The following ENO1 variants were observed in gnomAD, a reference collection of about 807,000 sequenced individuals.
ENO1 encodes the protein enolase 1.
Under a neutral mutation model 46.3 loss-of-function variants are expected in ENO1, and 33 were observed. The observed-to-expected ratio is 0.71, with a 90% confidence interval of 0.54 to 0.95. The LOEUF is 0.95. Ranked by LOEUF, ENO1 falls within the 40% of genes least tolerant of loss-of-function variation. The pLI is 0.00. For synonymous variants in ENO1, 220 were observed against 216.0 expected (o/e 1.02, Z -0.16); for missense variants, 488 against 553.3 (o/e 0.88, Z 1.18).
At chr1:8,873,236 G>C (rs965156998) in intron 2 of ENO1, among the ~76,000 whole-genome samples, 1 of 152,154 alleles carries the variant, frequency 6.6e-6, no homozygotes, top group Non-Finnish European at 1.5e-5. Flanking sequence ...ACAATGGGGG[G>C]GCTGCGCATG....
intron 1 of ENO1, among the ~76,000 whole-genome samples, chr1:8,876,766 C>G (rs1046380163): frequency 2.0e-5 from 3 of 151,492 alleles, no homozygotes; most frequent in African/African-American, 7.3e-5. Context: ...CCACTACACT[C>G]CAGCCTGGGC....
rs1010173970 is a variant in ENO1 at position 8,871,306 on chromosome 1, A to T, written c.181+585T>A. 8.0e-6 allele frequency: 8 copies of T among 994,336 alleles called. No homozygotes were observed. The African/African-American group carries it at 1.2e-4, about 15-fold the overall frequency. 61.6% of individuals were successfully genotyped at this position (994,336 alleles called of 1,614,324 possible). ...GATCTAGCCCTATGTGCTTTTCTGT[A>T]ATTTGGCCACATGTTCTATCTCTAG... is the stretch of plus-strand genomic sequence containing the variant. On this transcript the variant is annotated intron_variant, in intron 3 of 11. Coordinates refer to ENST00000234590, the MANE Select transcript of ENO1 (RefSeq NM_001428.5).
chr1:8,874,309 A>G (rs771380569), intron 2 of ENO1, among the ~76,000 whole-genome samples: 2 of 152,140 alleles, frequency 1.3e-5, no homozygotes, highest in Non-Finnish European at 2.9e-5. Context: ...GGGGTGGCTC[A>G]CACCTATAAT....
intron 11 of ENO1, among the ~76,000 whole-genome samples, chr1:8,862,658 T>C (rs1457591971): frequency 6.6e-6 from 1 of 152,222 alleles, no homozygotes; most frequent in Admixed American, 6.5e-5. Flanking sequence ...GGCAGCACTG[T>C]GTGGAACAGG....
chr1:8,870,833 A>G (rs2124090150), intron 3 of ENO1: 1 of 1,359,222 alleles, frequency 7.4e-7, no homozygotes, highest in East Asian at 2.5e-5. Context: ...ACCTGAGTGC[A>G]CAGGGCTGGT....
intron 7 of ENO1, chr1:8,866,076 C>CAAAAA (rs70985533): frequency 3.6e-5 from 13 of 365,552 alleles, no homozygotes; most frequent in African/African-American, 2.8e-4. Context: ...GACTCCATCT[C>CAAAAA]AAAAAAAAAA....
chr1:8,867,135 T>A lies in ENO1; in HGVS notation c.426A>T (p.Glu142Asp). The A allele has an allele frequency of 6.2e-7, 1 of 1,614,070 alleles. No homozygotes were observed. The highest frequency in any genetic ancestry group is 8.5e-7 in the Non-Finnish European group (1 of 1,179,966). The change falls in exon 6 of 12, where the codon GAA (glutamate) becomes GAT (aspartate). Residue 142 changes from glutamate (E) to aspartate (D), a missense_variant. Coordinates refer to ENST00000234590, the MANE Select transcript of ENO1 (RefSeq NM_001428.5). Reference sequence around the variant, plus strand: ...CACTCACCGGGACTGGCAGGATGACTTCAGAGTTGCCAGCCAAGTCAGCGA... The same window carrying A: ...CACTCACCGGGACTGGCAGGATGACATCAGAGTTGCCAGCCAAGTCAGCGA... ...RHIADLAGNS[E>D]VILPVPAFNV... is the part of the protein sequence containing the mutation.
chr1:8,862,980 A>T (rs941481622), intron 10 of ENO1, 35 bp from the exon 11 acceptor site: 3 of 1,611,516 alleles, frequency 1.9e-6, no homozygotes, highest in South Asian at 2.2e-5. Context: ...CTTACAGCGG[A>T]CAAGCTTTGC....
At chr1:8,875,982 T>C (rs1013803328) in intron 1 of ENO1, 1 of 152,060 alleles carries the variant, frequency 6.6e-6, no homozygotes, top group African/African-American at 2.4e-5. Context: ...AGAGGAAAGA[T>C]TCTTTGAACA....
At position 8,865,359 on chromosome 1, in the gene ENO1, G is replaced by T; in HGVS notation, c.791C>A (p.Pro264His). 6.2e-7 allele frequency: 1 copy of T among 1,614,162 alleles called. No homozygotes were observed. The highest frequency in any genetic ancestry group is 2.2e-5 in the East Asian group (1 of 44,882). The change falls in exon 8 of 12, where the codon CCC becomes CAC. Residue 264 changes from proline (P) to histidine (H), a missense_variant. Physicochemically the swap from Pro to His is moderately conservative, Grantham distance 77 (BLOSUM62 -2). Coordinates refer to ENST00000234590, the MANE Select transcript of ENO1 (RefSeq NM_001428.5). ...CGAGATGTACCTGCTGGGGTCATCGGGAGACTTGAAGTCCAGGTCATACTT... is the reference window on the plus strand; with the variant it reads ...CGAGATGTACCTGCTGGGGTCATCGTGAGACTTGAAGTCCAGGTCATACTT... ...SGKYDLDFKS[P>H]DDPSRYISPD...
Position 8,870,990 on chromosome 1 carries a change from G to A in ENO1, c.182-480C>T, listed in dbSNP as rs1642620933. ...TGAGGGGGCAGGAAAGCAGAGGAGAGCATTTCAGGGGCCATGCGTTCAATC... is the reference window on the plus strand; with the variant it reads ...TGAGGGGGCAGGAAAGCAGAGGAGAACATTTCAGGGGCCATGCGTTCAATC... On this transcript the variant is annotated intron_variant, in intron 3 of 11. Coordinates refer to ENST00000234590, the MANE Select transcript of ENO1 (RefSeq NM_001428.5). 2.8e-5 allele frequency: 35 copies of A among 1,243,886 alleles called. No individual in the cohort carries two copies. The South Asian group carries it at 1.3e-3, about 46-fold the overall frequency. 77.1% of individuals were successfully genotyped at this position (1,243,886 alleles called of 1,614,324 possible). A position where few individuals can be genotyped will look rare whatever the true frequency, so the allele number is the denominator to read the frequency against.
chr1:8,871,932 A>T lies in ENO1; in HGVS notation c.140T>A (p.Leu47Gln). ...AGTCTTATCATTGTCCCGGAGCTCT[A>T]GGGCCTCATAGATACCAGTTGAAGC... is the stretch of plus-strand genomic sequence containing the variant. ...SGASTGIYEA[L>Q]ELRDNDKTRY... is the part of the protein sequence containing the mutation. The change falls in exon 3 of 12, where the codon CTA (leucine) becomes CAA (glutamine). Residue 47 changes from leucine to glutamine, a missense_variant. Transcript: ENST00000234590. 2.5e-6 allele frequency: 4 copies of T among 1,614,148 alleles called. No individual in the cohort carries two copies. The highest frequency in any genetic ancestry group is 3.4e-6 in the Non-Finnish European group (4 of 1,180,016).
intron 2 of ENO1, among the ~76,000 whole-genome samples, chr1:8,872,648 G>A (rs574126260): frequency 1.3e-5 from 2 of 152,286 alleles, no homozygotes; most frequent in South Asian, 4.2e-4. Context: ...CTCCCAAAAT[G>A]CTGGGATTAC....
rs1247270137 is a variant in ENO1, at chr1:8,878,683, T to A, written c.-113A>T. The stretch of plus-strand genomic sequence containing the variant: ...TCTCCGTGCTCCGGGTACCCACAGA[T>A]ACTGTCCGCGCCGCCCGCGCCGACT... On this transcript the variant is annotated 5_prime_UTR_variant, in exon 1 of 12. Transcript: ENST00000234590. The A allele has an allele frequency of 4.4e-6, 2 of 455,850 alleles. No individual in the cohort carries two copies. Among genetic ancestry groups the A allele is most frequent in the Non-Finnish European group, 8.8e-6 (2 of 226,776 alleles). The allele number at this position is 455,850 out of a possible 1,614,324, so 28.2% of individuals were successfully genotyped here.
intron 2 of ENO1, 112 bp from the exon 3 acceptor site, chr1:8,872,098 C>T (rs1029060664): frequency 2.4e-5 from 20 of 843,140 alleles, no homozygotes; most frequent in African/African-American, 2.4e-4. Context: ...GTTTCTTCCT[C>T]CTACCAGCTG....
At chr1:8,873,875 G>T (rs1642681419) in intron 2 of ENO1, 1 of 152,186 alleles carries the variant, frequency 6.6e-6, no homozygotes, top group South Asian at 2.1e-4. Context: ...TGTCCATCGC[G>T]CCATGTGCTG....
Position 8,863,355 on chromosome 1 carries a change from G to A in ENO1, c.1068-12C>T, listed in dbSNP as rs767088145. 2.5e-6 allele frequency: 4 copies of A among 1,609,862 alleles called. No individual in the cohort carries two copies. Among genetic ancestry groups the A allele is most frequent in the Admixed American group, 3.4e-5 (2 of 59,150 alleles). ...GGGCCAGCTTGCACCTGGAAGCCAAGGAACAACCCAGATGGCATGATCCCA... is the reference window on the plus strand; with the variant it reads ...GGGCCAGCTTGCACCTGGAAGCCAAAGAACAACCCAGATGGCATGATCCCA... On this transcript the variant is annotated splice_polypyrimidine_tract_variant and intron_variant, in intron 9 of 11. Coordinates refer to ENST00000234590, the MANE Select transcript of ENO1 (RefSeq NM_001428.5).
chr1:8,868,957 G>A (rs1028722941), intron 4 of ENO1, among the ~76,000 whole-genome samples: 1 of 152,078 alleles, frequency 6.6e-6, no homozygotes, highest in Non-Finnish European at 1.5e-5. Flanking sequence ...TAAAGTGTTG[G>A]AATTACAGGC....
intron 2 of ENO1, among the ~76,000 whole-genome samples, chr1:8,872,652 G>A (rs1168824920): frequency 6.6e-6 from 1 of 152,064 alleles, no homozygotes; most frequent in Non-Finnish European, 1.5e-5. Flanking sequence ...CAAAATGCTG[G>A]GATTACAGGC....
Sources: allele counts gnomAD v4.1 joint callset (sites outside exome capture counted in the v4.1 genomes callset), GRCh38; gene constraint gnomAD v4.1.1; transcripts MANE v1.5; gene names NCBI Gene and HGNC (gene_info 2026-07-23, HGNC 2026-07-21).